The following RANBP10 variants were observed in gnomAD, a reference collection of about 807,000 sequenced individuals.
RANBP10 encodes the protein ran-binding protein 10.
A neutral mutation model predicts 72.8 loss-of-function variants in RANBP10; 24 were observed. That is an observed-to-expected ratio of 0.33 (90% confidence interval 0.24 to 0.46). The LOEUF is 0.46. RANBP10 is among the 20% of genes least tolerant of loss of function. RANBP10 has a pLI of 1.00. For missense variants in RANBP10, 679 were observed against 817.5 expected, an observed-to-expected ratio of 0.83 and a Z score of 2.07; for synonymous variants, 310 against 322.3, an observed-to-expected ratio of 0.96 and a Z score of 0.41.
intron 4 of RANBP10, among the ~76,000 whole-genome samples, chr16:67,741,156 T>C (rs963480240): frequency 1.3e-5 from 2 of 152,100 alleles, no homozygotes; most frequent in African/African-American, 2.4e-5. Flanking sequence ...AAATGAGACA[T>C]TCTGTGAAAG....
At chr16:67,745,635 G>A (rs530706870) in intron 3 of RANBP10, among the ~76,000 whole-genome samples, 28 of 152,018 alleles carry the variant, frequency 1.8e-4, no homozygotes, top group Non-Finnish European at 3.7e-4. Context: ...GTACCTGGCC[G>A]ATTCTCCCTT....
At chr16:67,805,654 TTACA>T (rs1460685792) in intron 1 of RANBP10, 115 bp from the exon 2 acceptor site, 2 of 787,226 alleles carry the variant, frequency 2.5e-6, no homozygotes, top group African/African-American at 3.5e-5. Context: ...GAGGACGCAC[TTACA>T]CAGGCCGAGG....
rs561281720 is a variant in RANBP10, at chr16:67,730,075, C to T, written c.890-29G>A. The T allele has an allele frequency of 8.3e-5, 133 of 1,598,978 alleles. 1 individual carries two copies. The highest frequency in any genetic ancestry group is 3.1e-4 in the South Asian group (28 of 90,820). The stretch of plus-strand genomic sequence containing the variant: ...CAGGGTGCAAGAACACAGCAGTGAG[C>T]GAGGGCTACAGGCCTCTCCCACAGC... On this transcript the variant is annotated intron_variant, in intron 7 of 13. Transcript: ENST00000317506. This position sits in a 1 kb window ranked among gnomAD's most constrained non-coding sequence, Gnocchi z 4.3.
rs1292528988 is a variant in RANBP10, at chr16:67,751,689, G to A, written c.401-7234C>T. 7.9e-5 allele frequency among the ~76,000 whole-genome samples: 12 copies of A among 152,068 alleles called. 1 individual carries two copies. Among genetic ancestry groups the A allele is most frequent in the Admixed American group, 7.9e-4 (12 of 15,266 alleles). On this transcript the variant is annotated intron_variant, in intron 3 of 13. Coordinates refer to ENST00000317506, the MANE Select transcript of RANBP10 (RefSeq NM_020850.3). Reference sequence around the variant, plus strand: ...CCAGTACTTTGGGAGGCTGAGATGGGCAGACCACCTGAGGTCAGGAGTTTG... The same window carrying A: ...CCAGTACTTTGGGAGGCTGAGATGGACAGACCACCTGAGGTCAGGAGTTTG...
At chr16:67,787,565 A>G (rs1485413211) in intron 2 of RANBP10, among the ~76,000 whole-genome samples, 1 of 152,204 alleles carries the variant, frequency 6.6e-6, no homozygotes, top group East Asian at 1.9e-4. Flanking sequence ...GAACTCAAAC[A>G]CTATGTACAC....
chr16:67,797,750 G>A (rs749734664), intron 2 of RANBP10, among the ~76,000 whole-genome samples: 3 of 152,112 alleles, frequency 2.0e-5, no homozygotes, highest in East Asian at 3.9e-4. Flanking sequence ...GGCGGAGGTT[G>A]CAGTGAGCCG....
intron 2 of RANBP10, among the ~76,000 whole-genome samples, chr16:67,772,544 G>C (rs1158063750): frequency 6.6e-6 from 1 of 152,150 alleles, no homozygotes; most frequent in Non-Finnish European, 1.5e-5. Context: ...GATCTACATA[G>C]GATCATCAAT....
intron 2 of RANBP10, among the ~76,000 whole-genome samples, chr16:67,788,672 G>A (rs2054964287): frequency 6.6e-6 from 1 of 151,738 alleles, no homozygotes. Context: ...TTACAGGCAT[G>A]AGCCACCGCT....
At chr16:67,752,980 C>T (rs565846732) in intron 3 of RANBP10, among the ~76,000 whole-genome samples, 1 of 152,218 alleles carries the variant, frequency 6.6e-6, no homozygotes, top group East Asian at 1.9e-4. Flanking sequence ...TGGCTCATGC[C>T]TATAATCCCA....
chr16:67,748,105 G>A (rs141272090), intron 3 of RANBP10, among the ~76,000 whole-genome samples: 1 of 151,904 alleles, frequency 6.6e-6, no homozygotes, highest in African/African-American at 2.4e-5. Context: ...GATTACAGGC[G>A]TGAGCCACTG....
chr16:67,787,268 T>C (rs1046918807), intron 2 of RANBP10, among the ~76,000 whole-genome samples: 1 of 151,800 alleles, frequency 6.6e-6, no homozygotes, highest in African/African-American at 2.4e-5. Context: ...CAATCAAAGT[T>C]CCAGCTACTT....
In RANBP10 at chr16:67,802,008, T is replaced by C. The variant is rs139167683; in HGVS notation, c.347+3420A>G. On this transcript the variant is annotated intron_variant, in intron 2 of 13. Coordinates refer to ENST00000317506, the MANE Select transcript of RANBP10 (RefSeq NM_020850.3). Reference sequence around the variant, plus strand: ...TACTCAGGAAGCTGAGGTGGGAGGATTGACTGAGCCCAGGAAGTTGAGGTG... The same window carrying C: ...TACTCAGGAAGCTGAGGTGGGAGGACTGACTGAGCCCAGGAAGTTGAGGTG... Among the ~76,000 whole-genome samples the C allele has an allele frequency of 3.7e-3, 560 of 151,608 alleles. 6 individuals are homozygous for C. The highest frequency in any genetic ancestry group is 0.013 in the African/African-American group (516 of 41,252).
intron 3 of RANBP10, among the ~76,000 whole-genome samples, chr16:67,767,332 C>T (rs1166064652): frequency 1.3e-5 from 2 of 151,894 alleles, no homozygotes; most frequent in Non-Finnish European, 2.9e-5. Flanking sequence ...TGGTATACAC[C>T]TGTAGTCCCA....
chr16:67,756,985 A>G (rs879085787), intron 3 of RANBP10, among the ~76,000 whole-genome samples: 4 of 152,152 alleles, frequency 2.6e-5, no homozygotes, highest in Non-Finnish European at 4.4e-5. Flanking sequence ...TGGGCGGATC[A>G]CCTGAGGTCG....
intron 3 of RANBP10, among the ~76,000 whole-genome samples, 186 bp from the exon 4 acceptor site, chr16:67,744,641 T>A (rs1214940320): frequency 1.3e-5 from 2 of 152,104 alleles, no homozygotes. Flanking sequence ...ACTGCCAAAG[T>A]AGCTGATGTA....
chr16:67,748,357 C>CA (rs2054128202), intron 3 of RANBP10, among the ~76,000 whole-genome samples: 1 of 150,728 alleles, frequency 6.6e-6, no homozygotes. Context: ...CTGTCTCTAC[C>CA]AAAAATACAA....
At chr16:67,756,162 G>A (rs1451941298) in intron 3 of RANBP10, among the ~76,000 whole-genome samples, 1 of 152,226 alleles carries the variant, frequency 6.6e-6, no homozygotes, top group African/African-American at 2.4e-5. Context: ...CCCTAGAGAT[G>A]GAAGACTCCT....
At position 67,726,460 on chromosome 16, in the gene RANBP10, A is replaced by G; in HGVS notation, c.1831T>C (p.Ser611Pro). The G allele has an allele frequency of 1.2e-6, 2 of 1,611,222 alleles. No homozygotes were observed. The highest frequency in any genetic ancestry group is 2.2e-5 in the East Asian group (1 of 44,758). ...AAGTAGTCATCAACTCTGGCAAAGGAGCAAGAACCCAGGCCTGCTCGGGCC... is the reference window on the plus strand; with the variant it reads ...AAGTAGTCATCAACTCTGGCAAAGGGGCAAGAACCCAGGCCTGCTCGGGCC... ...LMARAGLGSCSFARVDDYLH is the reference protein window; with the variant it reads ...LMARAGLGSCPFARVDDYLH The change falls in exon 14 of 14, where the codon TCC becomes CCC. Residue 611 changes from serine to proline, a missense_variant. Ser to Pro is a moderately conservative substitution (Grantham distance 74). Transcript: ENST00000317506.
In RANBP10 at chr16:67,729,521, G is replaced by A. The variant is rs1209461029; in HGVS notation, c.1148-37C>T. The A allele has an allele frequency of 3.5e-5, 55 of 1,591,370 alleles. No individual in the cohort carries two copies. The highest frequency in any genetic ancestry group is 4.6e-5 in the Non-Finnish European group (54 of 1,168,670). On this transcript the variant is annotated intron_variant, in intron 9 of 13. Transcript: ENST00000317506. This position sits in a 1 kb window ranked among gnomAD's most constrained non-coding sequence, Gnocchi z 7.1. ...GGTGACAGTCAGAAGAGGAGGGGCA[G>A]CTTCCCATGAAATGAAGCCCCAAGA... is the stretch of plus-strand genomic sequence containing the variant.
Sources: gnomAD v4.1 joint callset for allele counts (sites outside exome capture counted in the v4.1 genomes callset) on GRCh38, gnomAD v4.1.1 for gene constraint, Gnocchi (gnomAD v3.1) non-coding constraint, MANE v1.5 for transcripts, NCBI Gene and HGNC (gene_info 2026-07-23, HGNC 2026-07-21) for gene names.